TOX: variants seen among roughly 807,000 people sequenced by gnomAD.
TOX encodes thymocyte selection-associated high mobility group box protein TOX.
TOX carries 11 observed loss-of-function variants against 53.7 expected under a neutral mutation model. The observed-to-expected ratio is 0.20, with a 90% CI of 0.13 to 0.34. The LOEUF is 0.34. Ranked by LOEUF, TOX falls within the 10% of genes least tolerant of loss-of-function variation. TOX has a pLI of 1.00. For synonymous variants in TOX, 225 were observed against 245.3 expected (o/e 0.92, Z 0.77); for missense variants, 570 against 664.6 (o/e 0.86, Z 1.56).
rs958264127 is a variant in TOX, at chr8:59,045,127, C to A, written c.102+73759G>T. Among the ~76,000 whole-genome samples, 71 of 152,186 alleles carry A rather than the reference C, an allele frequency of 4.7e-4. 1 individual carries two copies. Among genetic ancestry groups the A allele is most frequent in the Non-Finnish European group, 4.4e-5 (3 of 68,038 alleles). ...GAAAATTAGACTTTTTCTTCCTAGA[C>A]AATTTCATTCTTTTTTTCAACTATT... is the stretch of plus-strand genomic sequence containing the variant. On this transcript the variant is annotated intron_variant, in intron 1 of 8. Transcript: ENST00000361421.
chr8:58,913,623 T>C (rs1811946651), intron 3 of TOX, among the ~76,000 whole-genome samples: 1 of 152,248 alleles, frequency 6.6e-6, no homozygotes, highest in African/African-American at 2.4e-5. Flanking sequence ...TTTATTTATA[T>C]ATCACTTCCT....
chr8:59,118,894 A>G lies in TOX; in HGVS notation c.94T>C (p.Cys32Arg), dbSNP rs1805157659. 6.3e-7 allele frequency: 1 copy of G among 1,589,542 alleles called. No individual in the cohort carries two copies. The highest frequency in any genetic ancestry group is 8.6e-7 in the Non-Finnish European group (1 of 1,167,732). ...GPSPCLDPYY[C>R]NKFDGENMYM... is the part of the protein sequence containing the mutation. ...AAAAGCAGAGCGTTCACCTTGTTGC[A>G]ATAGTAGGGGTCCAGGCAGGGAGAA... The change falls in exon 1 of 9, where the codon TGC becomes CGC. Residue 32 changes from cysteine to arginine, a missense_variant. Around this residue, in one of 3 missense-constraint regions of TOX, gnomAD observed 282 missense variants for 315.0 expected, o/e 0.90. Transcript: ENST00000361421. The surrounding 1 kb of genome is among the most constrained non-coding windows in gnomAD (Gnocchi z 4.1).
At chr8:59,045,368 C>A (rs1165648570) in intron 1 of TOX, among the ~76,000 whole-genome samples, 1 of 152,080 alleles carries the variant, frequency 6.6e-6, no homozygotes, top group Non-Finnish European at 1.5e-5. Context: ...AAAGATTTTT[C>A]AAAAATGCCT....
intron 2 of TOX, among the ~76,000 whole-genome samples, chr8:58,943,545 A>C (rs1024735654): frequency 5.9e-5 from 9 of 151,834 alleles, no homozygotes; most frequent in Non-Finnish European, 1.2e-4. Context: ...TTGGGAACAA[A>C]GATCACTTGG....
rs113994492 is a variant in TOX at position 59,015,579 on chromosome 8, C to T, written c.103-55571G>A. Among the ~76,000 whole-genome samples the T allele has an allele frequency of 3.5e-3, 528 of 151,940 alleles. 3 individuals are homozygous for T. Among genetic ancestry groups the T allele is most frequent in the African/African-American group, 0.012 (505 of 41,412 alleles). ...GATTTCATTTGCAATTTCGTAATTA[C>T]GATTATAAAATGTAAATTTATTACT... On this transcript the variant is annotated intron_variant, in intron 1 of 8. Transcript: ENST00000361421.
At chr8:59,093,166 G>C (rs907704133) in intron 1 of TOX, among the ~76,000 whole-genome samples, 1 of 152,190 alleles carries the variant, frequency 6.6e-6, no homozygotes, top group African/African-American at 2.4e-5. Context: ...AATCCTTTCT[G>C]TTCTTCCTAT....
At chr8:59,021,463 C>CAAAAAA (rs148800261) in intron 1 of TOX, among the ~76,000 whole-genome samples, 161 of 69,624 alleles carry the variant, frequency 2.3e-3, no homozygotes, top group Non-Finnish European at 4.0e-3. Context: ...TTTCTACAAG[C>CAAAAAA]AAAAAAAAAA....
chr8:59,024,197 G>A (rs969632388), intron 1 of TOX, among the ~76,000 whole-genome samples: 3 of 152,136 alleles, frequency 2.0e-5, no homozygotes, highest in African/African-American at 7.2e-5. Flanking sequence ...CATATGAGAA[G>A]TATTCAGTAT....
intron 1 of TOX, among the ~76,000 whole-genome samples, chr8:58,961,415 A>T (rs571255056): frequency 1.3e-5 from 2 of 152,200 alleles, no homozygotes; most frequent in Admixed American, 6.5e-5. Flanking sequence ...AGAGCAAATA[A>T]AAAATAGTAC....
intron 1 of TOX, among the ~76,000 whole-genome samples, chr8:59,064,696 T>C (rs1804056176): frequency 6.6e-6 from 1 of 152,204 alleles, no homozygotes; most frequent in Admixed American, 6.5e-5. Flanking sequence ...CAAATACATT[T>C]CCTTCTATAT....
chr8:59,075,944 G>T (rs191735323), intron 1 of TOX, among the ~76,000 whole-genome samples: 1 of 151,842 alleles, frequency 6.6e-6, no homozygotes, highest in African/African-American at 2.4e-5. Flanking sequence ...GGCGGAGGTT[G>T]CGGTGAGCCC....
intron 1 of TOX, among the ~76,000 whole-genome samples, chr8:59,098,575 C>T (rs973878927): frequency 6.6e-6 from 1 of 152,074 alleles, no homozygotes; most frequent in East Asian, 1.9e-4. Context: ...TAAAATAGGG[C>T]CTTTCAAGTT....
At position 58,824,906 on chromosome 8, in the gene TOX, G is replaced by C. The variant is rs116145340; in HGVS notation, c.1005+1916C>G. Among the ~76,000 whole-genome samples the C allele has an allele frequency of 3.7e-3, 565 of 152,200 alleles. 5 individuals are homozygous for C. Among genetic ancestry groups the C allele is most frequent in the African/African-American group, 0.013 (539 of 41,508 alleles). ...AAATAGAGCTTGGTTGGCACATGGT[G>C]GTTCCTGGGAGTTACAATTATGGAA... On this transcript the variant is annotated intron_variant, in intron 6 of 8. Coordinates refer to ENST00000361421, the MANE Select transcript of TOX (RefSeq NM_014729.3).
intron 3 of TOX, among the ~76,000 whole-genome samples, chr8:58,882,907 G>C (rs542556971): frequency 1.3e-5 from 2 of 152,288 alleles, no homozygotes; most frequent in South Asian, 2.1e-4. Flanking sequence ...ATTCATTAGA[G>C]ACATATCCAC....
chr8:58,849,927 A>G (rs1585859148), intron 4 of TOX, among the ~76,000 whole-genome samples: 1 of 152,196 alleles, frequency 6.6e-6, no homozygotes, highest in South Asian at 2.1e-4. Context: ...CTCATTGGCC[A>G]TTAGGTGTAA....
intron 1 of TOX, among the ~76,000 whole-genome samples, chr8:59,074,078 G>T (rs1407252153): frequency 6.6e-6 from 1 of 152,014 alleles, no homozygotes; most frequent in Non-Finnish European, 1.5e-5. Flanking sequence ...GTAACCTTGG[G>T]CAAGTCACTT....
chr8:59,017,386 A>G (rs528319304), intron 1 of TOX, among the ~76,000 whole-genome samples: 2 of 152,280 alleles, frequency 1.3e-5, no homozygotes, highest in South Asian at 4.1e-4. Context: ...TCAGCTCTCT[A>G]CAATATCCTT....
chr8:58,957,139 C>A (rs1812723171), intron 2 of TOX, among the ~76,000 whole-genome samples: 1 of 152,192 alleles, frequency 6.6e-6, no homozygotes, highest in Admixed American at 6.5e-5. Flanking sequence ...GGACAAAGTT[C>A]AGGAGGCATT....
intron 1 of TOX, among the ~76,000 whole-genome samples, chr8:58,994,849 A>C (rs574237831): frequency 6.6e-6 from 1 of 152,296 alleles, no homozygotes; most frequent in African/African-American, 2.4e-5. Flanking sequence ...ACTGCTCTGA[A>C]GACTCGAAAT....
Sources: gnomAD v4.1 joint callset for allele counts (sites outside exome capture counted in the v4.1 genomes callset) on GRCh38, gnomAD v4.1.1 for gene constraint, gnomAD v4.1.1 regional missense constraint, Gnocchi (gnomAD v3.1) non-coding constraint, MANE v1.5 for transcripts, NCBI Gene and HGNC (gene_info 2026-07-23, HGNC 2026-07-21) for gene names.